The following CTIF variants were observed in gnomAD, a reference collection of about 807,000 sequenced individuals.
The protein encoded by CTIF is CBP80/20-dependent translation initiation factor.
In CTIF, 21 loss-of-function variants were observed where a neutral mutation model predicts 66.0. The observed-to-expected ratio is 0.32, with a 90% CI of 0.23 to 0.46. The LOEUF (loss-of-function observed/expected upper bound fraction) is 0.46. Ranked by LOEUF, CTIF falls within the 20% of genes least tolerant of loss-of-function variation. The probability of loss-of-function intolerance (pLI) is 1.00; values close to 1 mark genes in which losing one functional copy is unlikely to be tolerated. For synonymous variants in CTIF, 345 were observed against 326.4 expected, an observed-to-expected ratio of 1.06 and a Z score of -0.62; for missense variants, 739 against 812.7, an observed-to-expected ratio of 0.91 and a Z score of 1.10.
intron 1 of CTIF, among the ~76,000 whole-genome samples, chr18:48,570,149 AT>A (rs2089379747): frequency 6.6e-6 from 1 of 152,146 alleles, no homozygotes; most frequent in South Asian, 2.1e-4. Flanking sequence ...GAGGTAGACA[AT>A]AACCACTCCC....
intron 3 of CTIF, among the ~76,000 whole-genome samples, chr18:48,643,872 C>T (rs2090978176): frequency 2.0e-5 from 3 of 152,282 alleles, no homozygotes; most frequent in African/African-American, 7.2e-5. Flanking sequence ...GCTCAGAGGT[C>T]ACCTGATCCA....
At chr18:48,724,011 C>T (rs925527321) in intron 7 of CTIF, among the ~76,000 whole-genome samples, 19 of 152,308 alleles carry the variant, frequency 1.2e-4, no homozygotes, top group South Asian at 4.1e-4. Flanking sequence ...TTAGCACCCA[C>T]GGGGGAAATT....
chr18:48,653,819 C>A (rs1290875415), intron 3 of CTIF, among the ~76,000 whole-genome samples: 1 of 152,116 alleles, frequency 6.6e-6, no homozygotes, highest in African/African-American at 2.4e-5. Flanking sequence ...AGAAATAACA[C>A]CACACATCTA....
At chr18:48,750,878 C>T (rs568996413) in intron 7 of CTIF, among the ~76,000 whole-genome samples, 1 of 152,314 alleles carries the variant, frequency 6.6e-6, no homozygotes, top group East Asian at 1.9e-4. Flanking sequence ...GGTGTGCAAG[C>T]TGCCCTACAC....
chr18:48,572,299 T>A (rs989410721), intron 1 of CTIF, among the ~76,000 whole-genome samples: 1 of 152,090 alleles, frequency 6.6e-6, no homozygotes, highest in African/African-American at 2.4e-5. Flanking sequence ...CAAAGCAACA[T>A]CTAGATGAGT....
At chr18:48,845,952 T>G (rs1409100977) in intron 10 of CTIF, among the ~76,000 whole-genome samples, 1 of 152,208 alleles carries the variant, frequency 6.6e-6, no homozygotes, top group Non-Finnish European at 1.5e-5. Flanking sequence ...CACAGCAACC[T>G]TCTAACGGTC....
At chr18:48,559,297 G>A (rs537801635) in intron 1 of CTIF, among the ~76,000 whole-genome samples, 5 of 151,670 alleles carry the variant, frequency 3.3e-5, no homozygotes, top group Non-Finnish European at 4.4e-5. Context: ...AGTTTTCCCC[G>A]AATATCTTAG....
intron 3 of CTIF, among the ~76,000 whole-genome samples, chr18:48,657,647 AGGTTCACAGGGTGT>A (rs2091266343): frequency 6.6e-6 from 1 of 152,016 alleles, no homozygotes; most frequent in South Asian, 2.1e-4. Flanking sequence ...ATGTGCTATG[AGGTTCACAGGGTGT>A]GGGCTGCTGA....
intron 9 of CTIF, among the ~76,000 whole-genome samples, chr18:48,804,393 G>T (rs1331498826): frequency 6.6e-6 from 1 of 152,216 alleles, no homozygotes; most frequent in Non-Finnish European, 1.5e-5. Flanking sequence ...TGAGTCCTCA[G>T]GGCCAGGCCT....
At chr18:48,746,617 C>T (rs938306411) in intron 7 of CTIF, among the ~76,000 whole-genome samples, 19 of 151,800 alleles carry the variant, frequency 1.3e-4, no homozygotes, top group African/African-American at 3.4e-4. Flanking sequence ...CAGGTCAGAG[C>T]GTGGCAAGAT....
intron 1 of CTIF, among the ~76,000 whole-genome samples, chr18:48,607,680 C>T (rs867119573): frequency 3.3e-5 from 5 of 152,290 alleles, no homozygotes; most frequent in Non-Finnish European, 2.9e-5. Context: ...CACATTAAGG[C>T]TGAGCTGGAG....
chr18:48,663,001 A>G (rs896955997), intron 3 of CTIF, among the ~76,000 whole-genome samples: 4 of 152,072 alleles, frequency 2.6e-5, no homozygotes, highest in Non-Finnish European at 5.9e-5. Context: ...CATCGGGCAC[A>G]TTTCTGTGTG....
chr18:48,562,601 G>A (rs1464685150), intron 1 of CTIF, among the ~76,000 whole-genome samples: 1 of 152,154 alleles, frequency 6.6e-6, no homozygotes, highest in African/African-American at 2.4e-5. Flanking sequence ...TTCTAAGCTT[G>A]GAGAGGGGAC....
intron 10 of CTIF, among the ~76,000 whole-genome samples, chr18:48,848,876 C>G (rs4939822): frequency 0.99 from 151,587 of 152,380 alleles, 75,399 homozygotes; most frequent in Middle Eastern, 1. Flanking sequence ...CAAGTCTCCG[C>G]CAGAGACAAT....
At chr18:48,717,469 C>T (rs2092293661) in intron 7 of CTIF, among the ~76,000 whole-genome samples, 1 of 151,842 alleles carries the variant, frequency 6.6e-6, no homozygotes, top group African/African-American at 2.4e-5. Context: ...GTCCCTCCCT[C>T]TCTTCCTCTG....
In CTIF at chr18:48,659,778, G is replaced by C. The variant is rs370925448; in HGVS notation, c.253-3974G>C. ...GGAAGGAGAAGCAGCCTGGTGCCGA[G>C]TTTTCCAGCCTGGGGAGGGAGACAC... is the stretch of plus-strand genomic sequence containing the variant. On this transcript the variant is annotated intron_variant, in intron 3 of 11. Coordinates refer to ENST00000256413, the MANE Select transcript of CTIF (RefSeq NM_014772.3). Among the ~76,000 whole-genome samples, 6 of 152,080 alleles carry C rather than the reference G, an allele frequency of 3.9e-5. No homozygotes were observed. In the South Asian group the frequency reaches 1.2e-3, roughly 31 times the overall value.
rs532199104 is a variant in CTIF at position 48,772,462 on chromosome 18, G to A, written c.1371+10773G>A. 7.0e-5 allele frequency among the ~76,000 whole-genome samples: 7 copies of A among 100,462 alleles called. No individual in the cohort carries two copies. In the East Asian group the frequency reaches 1.5e-3, roughly 21 times the overall value. 65.9% of individuals were successfully genotyped at this position (100,462 alleles called of 152,430 possible). A position where few individuals can be genotyped will look rare whatever the true frequency, so the allele number is the denominator to read the frequency against. On this transcript the variant is annotated intron_variant, in intron 9 of 11. Coordinates refer to ENST00000256413, the MANE Select transcript of CTIF (RefSeq NM_014772.3). ...TCTCATCACCCCAAACAAAAGCCAT[G>A]TACCCACCATAACTCCCCTACAGCA...
At chr18:48,655,127 AAAT>A (rs536589724) in intron 3 of CTIF, among the ~76,000 whole-genome samples, 90 of 151,836 alleles carry the variant, frequency 5.9e-4, no homozygotes, top group African/African-American at 1.4e-3. Context: ...TATAATTTAA[AAAT>A]AATAATAATA....
chr18:48,562,997 T>C (rs946828814), intron 1 of CTIF, among the ~76,000 whole-genome samples: 13 of 152,254 alleles, frequency 8.5e-5, no homozygotes, highest in Non-Finnish European at 1.6e-4. Context: ...AGATTCACGC[T>C]GAATGTCACC....
Sources: gnomAD v4.1 joint callset for allele counts (sites outside exome capture counted in the v4.1 genomes callset) on GRCh38, gnomAD v4.1.1 for gene constraint, MANE v1.5 for transcripts, NCBI Gene and HGNC (gene_info 2026-07-23, HGNC 2026-07-21) for gene names.